Variants in RSPO2 observed in about 807,000 individuals in gnomAD.
RSPO2 encodes R-spondin-2.
In RSPO2, 14 loss-of-function variants were observed where a neutral mutation model predicts 30.9. The observed-to-expected ratio is 0.45, with a 90% CI of 0.30 to 0.71. The LOEUF is 0.71. RSPO2 is among the 30% of genes least tolerant of loss of function. The probability of loss-of-function intolerance (pLI) is 0.08; values close to 1 mark genes in which losing one functional copy is unlikely to be tolerated. For synonymous variants in RSPO2, 107 were observed against 96.4 expected, an observed-to-expected ratio of 1.11 and a Z score of -0.64; for missense variants, 264 against 301.9, an observed-to-expected ratio of 0.87 and a Z score of 0.93.
intron 2 of RSPO2, among the ~76,000 whole-genome samples, chr8:108,077,864 T>A (rs1668625326): frequency 6.6e-6 from 1 of 152,204 alleles, no homozygotes; most frequent in African/African-American, 2.4e-5. Flanking sequence ...TAAAACTTTG[T>A]CATCCCAGAG....
chr8:108,002,884 T>A (rs74539532), intron 2 of RSPO2, among the ~76,000 whole-genome samples: 2 of 152,162 alleles, frequency 1.3e-5, no homozygotes, highest in Non-Finnish European at 2.9e-5. Context: ...ATAAAAAGCA[T>A]ATTAACAGAC....
intron 2 of RSPO2, among the ~76,000 whole-genome samples, chr8:108,031,851 A>AG (rs990614167): frequency 3.2e-5 from 4 of 125,738 alleles, no homozygotes; most frequent in African/African-American, 1.4e-4. Flanking sequence ...AGAAAAGAAG[A>AG]GGAAAAAAAA....
intron 3 of RSPO2, among the ~76,000 whole-genome samples, chr8:107,986,268 A>C (rs1157893451): frequency 1.3e-5 from 2 of 152,188 alleles, no homozygotes; most frequent in East Asian, 3.8e-4. Context: ...GTTAAGAAAT[A>C]ATTTTCCATT....
intron 2 of RSPO2, among the ~76,000 whole-genome samples, chr8:108,062,874 A>C (rs563968569): frequency 6.6e-6 from 1 of 152,064 alleles, no homozygotes; most frequent in South Asian, 2.1e-4. Context: ...AAGCTGGTTC[A>C]ACATACGCAA....
intron 2 of RSPO2, among the ~76,000 whole-genome samples, chr8:108,075,429 A>C (rs939016444): frequency 2.0e-4 from 30 of 151,964 alleles, no homozygotes; most frequent in African/African-American, 7.2e-4. Context: ...TCAGTGAGTC[A>C]AGATCACACC....
intron 2 of RSPO2, among the ~76,000 whole-genome samples, chr8:107,994,550 A>T (rs1312912361): frequency 6.6e-6 from 1 of 152,196 alleles, no homozygotes; most frequent in Admixed American, 6.5e-5. Flanking sequence ...AAGACACAAA[A>T]TACTCTTTCC....
chr8:107,931,544 A>G (rs966107686), intron 5 of RSPO2, among the ~76,000 whole-genome samples: 1 of 152,192 alleles, frequency 6.6e-6, no homozygotes, highest in African/African-American at 2.4e-5. Context: ...GAAAAATAAA[A>G]TCAAGTAAAA....
chr8:108,054,734 C>T (rs949545694), intron 2 of RSPO2, among the ~76,000 whole-genome samples: 6 of 152,186 alleles, frequency 3.9e-5, no homozygotes, highest in Non-Finnish European at 8.8e-5. Context: ...CACTGGTTCT[C>T]AGGCTGGCAA....
At chr8:107,976,954 A>G (rs1273438979) in intron 3 of RSPO2, among the ~76,000 whole-genome samples, 1 of 152,240 alleles carries the variant, frequency 6.6e-6, no homozygotes, top group Non-Finnish European at 1.5e-5. Flanking sequence ...CATGTGCCAG[A>G]ACACATAAAG....
chr8:107,940,680 A>G (rs184502002), intron 5 of RSPO2, among the ~76,000 whole-genome samples: 1 of 152,292 alleles, frequency 6.6e-6, no homozygotes, highest in Non-Finnish European at 1.5e-5. Flanking sequence ...AGCAATGTAG[A>G]TTCAAGTCCT....
intron 5 of RSPO2, among the ~76,000 whole-genome samples, chr8:107,953,333 T>TC (rs1295785249): frequency 2.0e-5 from 3 of 151,918 alleles, no homozygotes; most frequent in South Asian, 2.1e-4. Context: ...AAGCCACATT[T>TC]CCCCCCACTA....
intron 2 of RSPO2, among the ~76,000 whole-genome samples, chr8:108,026,993 G>A (rs1409471728): frequency 3.9e-5 from 6 of 152,052 alleles, no homozygotes; most frequent in South Asian, 2.1e-4. Context: ...AAGTATAGGC[G>A]GGAAAAGCAA....
At chr8:108,045,987 A>G (rs947748324) in intron 2 of RSPO2, among the ~76,000 whole-genome samples, 2 of 152,194 alleles carry the variant, frequency 1.3e-5, no homozygotes, top group African/African-American at 4.8e-5. Context: ...CATCTCAGGC[A>G]TACATAAGTA....
intron 2 of RSPO2, among the ~76,000 whole-genome samples, chr8:108,051,972 C>T (rs1052548980): frequency 6.6e-6 from 1 of 152,114 alleles, no homozygotes; most frequent in South Asian, 2.1e-4. Flanking sequence ...GAGCAATGCA[C>T]GTGTTATATT....
At chr8:108,045,188 G>T (rs1336700556) in intron 2 of RSPO2, among the ~76,000 whole-genome samples, 2 of 151,990 alleles carry the variant, frequency 1.3e-5, no homozygotes, top group African/African-American at 4.8e-5. Context: ...TCTGACAAAG[G>T]CCTAATATCT....
chr8:107,960,173 G>A (rs1026691006), intron 4 of RSPO2, among the ~76,000 whole-genome samples: 1 of 151,734 alleles, frequency 6.6e-6, no homozygotes, highest in Admixed American at 6.6e-5. Flanking sequence ...ATGCATTCCA[G>A]GTATATAAAT....
chr8:108,011,148 AAAAGAAAG>A (rs1554581781), intron 2 of RSPO2, among the ~76,000 whole-genome samples: 2 of 140,568 alleles, frequency 1.4e-5, no homozygotes, highest in Admixed American at 7.5e-5. Flanking sequence ...AAAAAAAAAA[AAAAGAAAG>A]AAAGAAAGAA....
intron 2 of RSPO2, among the ~76,000 whole-genome samples, chr8:108,066,798 A>G (rs1254435947): frequency 6.6e-6 from 1 of 152,222 alleles, no homozygotes; most frequent in Non-Finnish European, 1.5e-5. Context: ...CCCTAATGAA[A>G]CTGTTAATTC....
chr8:108,066,753 G>A (rs918410282), intron 2 of RSPO2, among the ~76,000 whole-genome samples: 2 of 152,046 alleles, frequency 1.3e-5, no homozygotes, highest in Non-Finnish European at 2.9e-5. Context: ...AATAAATGTG[G>A]TAAGAATTAG....
Sources: allele counts gnomAD v4.1 joint callset (sites outside exome capture counted in the v4.1 genomes callset), GRCh38; gene constraint gnomAD v4.1.1; transcripts MANE v1.5; gene names NCBI Gene and HGNC (gene_info 2026-07-23, HGNC 2026-07-21).